The following RBBP8 variants were observed in gnomAD, a reference collection of about 807,000 sequenced individuals.
RBBP8 encodes the protein RB binding protein 8, endonuclease.
Under a neutral mutation model 108.3 loss-of-function variants are expected in RBBP8, and 88 were observed. That is an observed-to-expected ratio of 0.81 (90% CI 0.68 to 0.97). The LOEUF (loss-of-function observed/expected upper bound fraction) is 0.97. RBBP8 is among the 50% of genes least tolerant of loss of function. The probability of loss-of-function intolerance (pLI) is 0.00; values close to 1 mark genes in which losing one functional copy is unlikely to be tolerated. For missense variants in RBBP8, 1,023 were observed against 1,049.0 expected, an observed-to-expected ratio of 0.98 and a Z score of 0.34; for synonymous variants, 332 against 348.2, an observed-to-expected ratio of 0.95 and a Z score of 0.52.
chr18:22,990,705 C>T (rs1234209231), intron 9 of RBBP8, among the ~76,000 whole-genome samples: 2 of 152,232 alleles, frequency 1.3e-5, no homozygotes, highest in African/African-American at 4.8e-5. Context: ...TCCCCTCATT[C>T]TTCCACCTCC....
rs141917133 is a variant in RBBP8 at position 22,992,828 on chromosome 18, C to G, written c.1001C>G (p.Ser334Cys). The G allele has an allele frequency of 6.2e-7, 1 of 1,611,282 alleles. No homozygotes were observed. Among genetic ancestry groups the G allele is most frequent in the South Asian group, 1.1e-5 (1 of 91,012 alleles). Residue 334 changes from serine (S) to cysteine (C), a missense_variant, in exon 11 of 19, where the codon TCT becomes TGT. Ser to Cys is a moderately radical substitution (Grantham distance 112). Coordinates refer to ENST00000327155, the MANE Select transcript of RBBP8 (RefSeq NM_002894.3). ...RVSSPVFGAT[S>C]SIKSGLDLNT... ...TCATCTCCTGTATTTGGAGCTACCT[C>G]TAGTATCAAAAGTGGTTTAGATTTG...
chr18:22,953,258 A>G (rs1320062538), intron 4 of RBBP8, among the ~76,000 whole-genome samples: 1 of 152,134 alleles, frequency 6.6e-6, no homozygotes, highest in Non-Finnish European at 1.5e-5. Context: ...TGGTGTATTC[A>G]CCTATGTGGA....
At chr18:22,956,152 A>C (rs1912522467) in intron 4 of RBBP8, among the ~76,000 whole-genome samples, 1 of 151,988 alleles carries the variant, frequency 6.6e-6, no homozygotes, top group African/African-American at 2.4e-5. Context: ...CCTTTAAAGG[A>C]CTAAGTAGGT....
chr18:22,949,570 G>T, intron 3 of RBBP8, 48 bp from the exon 4 acceptor site: 1 of 1,323,094 alleles, frequency 7.6e-7, no homozygotes, highest in Non-Finnish European at 1.1e-6. Context: ...GAATTATCCT[G>T]TTAAGAGTAT....
intron 15 of RBBP8, among the ~76,000 whole-genome samples, chr18:23,005,343 TAA>T: frequency 6.6e-6 from 1 of 152,342 alleles, no homozygotes; most frequent in Non-Finnish European, 1.5e-5. Context: ...CTAATTACCC[TAA>T]TTTGGTCTTT....
At chr18:22,976,243 G>C (rs1914489390) in intron 6 of RBBP8, among the ~76,000 whole-genome samples, 1 of 152,116 alleles carries the variant, frequency 6.6e-6, no homozygotes, top group Non-Finnish European at 1.5e-5. Flanking sequence ...ACTGAATACT[G>C]ATAGCCAAAG....
chr18:22,959,612 T>G (rs982490572), intron 4 of RBBP8, among the ~76,000 whole-genome samples: 1 of 152,176 alleles, frequency 6.6e-6, no homozygotes, highest in Non-Finnish European at 1.5e-5. Context: ...TCTTCCATGT[T>G]CTGTGAGATT....
chr18:22,918,746 C>A (rs932526538), intron 3 of RBBP8, among the ~76,000 whole-genome samples: 1 of 152,072 alleles, frequency 6.6e-6, no homozygotes, highest in African/African-American at 2.4e-5. Context: ...GTAGCTGGGA[C>A]CACAGGCACA....
chr18:22,972,306 AT>A (rs1260501634), intron 5 of RBBP8, among the ~76,000 whole-genome samples: 2 of 135,728 alleles, frequency 1.5e-5, no homozygotes, highest in Admixed American at 1.5e-4. Flanking sequence ...GTGAGCCAAG[AT>A]TGCGCCACTG....
At chr18:22,996,847 G>A (rs1455813031) in intron 13 of RBBP8, among the ~76,000 whole-genome samples, 2 of 152,084 alleles carry the variant, frequency 1.3e-5, no homozygotes, top group African/African-American at 4.8e-5. Flanking sequence ...AAATTTTAAA[G>A]TTAGCTGGGC....
chr18:22,922,559 C>A (rs906030801), intron 3 of RBBP8, among the ~76,000 whole-genome samples: 1 of 152,066 alleles, frequency 6.6e-6, no homozygotes, highest in African/African-American at 2.4e-5. Flanking sequence ...ACCTCCCAGG[C>A]TGAAACAATC....
At chr18:22,999,369 G>A (rs2045910056) in intron 14 of RBBP8, among the ~76,000 whole-genome samples, 1 of 152,196 alleles carries the variant, frequency 6.6e-6, no homozygotes, top group Non-Finnish European at 1.5e-5. Flanking sequence ...CAGCTGGAGA[G>A]TGAATTGGCA....
intron 3 of RBBP8, among the ~76,000 whole-genome samples, chr18:22,948,487 A>G (rs1911756709): frequency 6.6e-6 from 1 of 152,160 alleles, no homozygotes; most frequent in Admixed American, 6.5e-5. Context: ...ACATGCTACC[A>G]TAACTATATT....
intron 1 of RBBP8, chr18:22,933,811 A>C (rs1446579901): frequency 1.3e-5 from 2 of 152,166 alleles, no homozygotes; most frequent in African/African-American, 2.4e-5. Context: ...TTCGCCGCCA[A>C]GCCCGCCCCG....
intron 2 of RBBP8, among the ~76,000 whole-genome samples, chr18:22,943,448 A>T (rs556611991): frequency 4.6e-5 from 7 of 151,310 alleles, no homozygotes; most frequent in Admixed American, 1.3e-4. Flanking sequence ...AATAATAATA[A>T]TATTATTATT....
At chr18:23,002,397 C>T (rs1464660249) in intron 15 of RBBP8, among the ~76,000 whole-genome samples, 1 of 151,800 alleles carries the variant, frequency 6.6e-6, no homozygotes, top group African/African-American at 2.4e-5. Flanking sequence ...AGAGTGAGAC[C>T]CTGTCTCAAA....
intron 3 of RBBP8, among the ~76,000 whole-genome samples, chr18:22,921,151 G>A (rs994103165): frequency 6.6e-6 from 1 of 152,162 alleles, no homozygotes; most frequent in African/African-American, 2.4e-5. Context: ...TGGCTTATGT[G>A]CGAGTTCTTT....
At chr18:22,952,402 C>T (rs937238497) in intron 4 of RBBP8, among the ~76,000 whole-genome samples, 14 of 151,928 alleles carry the variant, frequency 9.2e-5, no homozygotes, top group African/African-American at 2.4e-4. Flanking sequence ...AAGGACCCAG[C>T]CAGCAAAAGA....
intron 8 of RBBP8, 40 bp downstream of exon 8, chr18:22,985,030 G>T: frequency 6.2e-7 from 1 of 1,607,094 alleles, no homozygotes; most frequent in Middle Eastern, 1.7e-4. Flanking sequence ...GTTTAAAATT[G>T]TGGTTATTGG....
Sources: gnomAD v4.1 joint callset for allele counts (sites outside exome capture counted in the v4.1 genomes callset) on GRCh38, gnomAD v4.1.1 for gene constraint, MANE v1.5 for transcripts, NCBI Gene and HGNC (gene_info 2026-07-23, HGNC 2026-07-21) for gene names.